UVRAG: variants seen among roughly 807,000 people sequenced by gnomAD.
The protein encoded by UVRAG is UV radiation resistance-associated gene protein.
A neutral mutation model predicts 78.0 loss-of-function variants in UVRAG; 19 were observed. That is an observed-to-expected ratio of 0.24 (90% CI 0.17 to 0.36). UVRAG has a LOEUF of 0.36. Among genes scored for constraint, UVRAG ranks in the 10% least tolerant of loss-of-function variants. The pLI is 1.00. For missense variants in UVRAG, 740 were observed against 853.8 expected, an observed-to-expected ratio of 0.87 and a Z score of 1.66; for synonymous variants, 323 against 324.6, an observed-to-expected ratio of 1.00 and a Z score of 0.05.
intron 1 of UVRAG, among the ~76,000 whole-genome samples, chr11:75,823,784 A>G (rs1945452838): frequency 1.3e-5 from 2 of 152,162 alleles, no homozygotes; most frequent in African/African-American, 2.4e-5. Context: ...TTTATTTCCT[A>G]CAGCACTTGT....
intron 9 of UVRAG, among the ~76,000 whole-genome samples, chr11:76,006,301 C>T (rs1192076856): frequency 1.3e-5 from 2 of 152,130 alleles, no homozygotes; most frequent in Non-Finnish European, 2.9e-5. Flanking sequence ...ATTCTTGACA[C>T]AGTTGATCAG....
At chr11:75,982,059 CATTTT>C (rs1396799288) in intron 7 of UVRAG, among the ~76,000 whole-genome samples, 3 of 151,570 alleles carry the variant, frequency 2.0e-5, no homozygotes, top group African/African-American at 7.3e-5. Flanking sequence ...TGTCCTTTTT[CATTTT>C]GTTTGGCATT....
rs961638649 is a variant in UVRAG, at chr11:76,141,296, G to A, written c.1983G>A (p.Val661=). ...ACTGCATCCCAGTGGACAGTGCTGT[G>A]GCAGTAGAGTGTGACGAACAAGTTC... ...AFNCIPVDSA[V]AVECDEQVLG... The change falls in exon 15 of 15, where the codon GTG becomes GTA. Residue 661 remains valine (V), a synonymous_variant. Transcript: ENST00000356136. 6.2e-7 allele frequency: 1 copy of A among 1,614,100 alleles called. No individual in the cohort carries two copies. The highest frequency in any genetic ancestry group is 1.7e-5 in the Admixed American group (1 of 60,008).
chr11:76,110,610 T>G (rs1360487845), intron 13 of UVRAG, among the ~76,000 whole-genome samples: 1 of 152,194 alleles, frequency 6.6e-6, no homozygotes, highest in Admixed American at 6.5e-5. Context: ...GGGAGGAGTT[T>G]AGGGTCAAGG....
At chr11:76,047,151 A>G (rs951424846) in intron 12 of UVRAG, among the ~76,000 whole-genome samples, 7 of 152,208 alleles carry the variant, frequency 4.6e-5, no homozygotes, top group African/African-American at 9.6e-5. Context: ...CTGCTCCCAA[A>G]TGATGAATAA....
chr11:76,000,575 A>G (rs771181832), intron 8 of UVRAG, among the ~76,000 whole-genome samples: 5 of 152,080 alleles, frequency 3.3e-5, no homozygotes, highest in African/African-American at 7.2e-5. Context: ...ACCATTGCAC[A>G]CTGCAGCATA....
chr11:75,993,914 G>A (rs889317855), intron 8 of UVRAG, among the ~76,000 whole-genome samples: 1 of 152,074 alleles, frequency 6.6e-6, no homozygotes, highest in African/African-American at 2.4e-5. Flanking sequence ...AGTGAGGGGG[G>A]TGGGGAGAAT....
At chr11:75,932,686 A>G (rs1369150317) in intron 6 of UVRAG, among the ~76,000 whole-genome samples, 1 of 152,242 alleles carries the variant, frequency 6.6e-6, no homozygotes, top group African/African-American at 2.4e-5. Flanking sequence ...CAAAATAAAC[A>G]TATACCAAAA....
At chr11:75,888,163 G>A (rs1226799987) in intron 4 of UVRAG, among the ~76,000 whole-genome samples, 1 of 151,806 alleles carries the variant, frequency 6.6e-6, no homozygotes, top group African/African-American at 2.4e-5. Context: ...AGACGAGGTT[G>A]TGCTCCCTCA....
chr11:75,967,322 C>T (rs929722333), intron 7 of UVRAG, among the ~76,000 whole-genome samples: 5 of 152,118 alleles, frequency 3.3e-5, no homozygotes, highest in Non-Finnish European at 4.4e-5. Context: ...GGTTCTAAGC[C>T]TGTTACTGCT....
chr11:76,104,778 G>A (rs775635726), intron 13 of UVRAG, among the ~76,000 whole-genome samples: 3 of 152,098 alleles, frequency 2.0e-5, no homozygotes, highest in African/African-American at 4.8e-5. Context: ...GTCACTATAC[G>A]TGGCTGGGGA....
At chr11:75,995,843 T>G (rs1949696476) in intron 8 of UVRAG, among the ~76,000 whole-genome samples, 1 of 152,106 alleles carries the variant, frequency 6.6e-6, no homozygotes, top group African/African-American at 2.4e-5. Flanking sequence ...GTGTTCTGAT[T>G]TTTTAAATAA....
chr11:75,920,852 T>C (rs767984051), intron 6 of UVRAG, among the ~76,000 whole-genome samples: 1 of 152,258 alleles, frequency 6.6e-6, no homozygotes, highest in Non-Finnish European at 1.5e-5. Flanking sequence ...CTTGGGTTTC[T>C]TGTTCAATAT....
intron 5 of UVRAG, among the ~76,000 whole-genome samples, chr11:75,908,695 A>G (rs1947670098): frequency 6.8e-6 from 1 of 147,504 alleles, no homozygotes; most frequent in South Asian, 2.1e-4. Context: ...TCACCAGTCA[A>G]ATAATCTGGT....
At chr11:76,131,813 G>T (rs1280263258) in intron 14 of UVRAG, among the ~76,000 whole-genome samples, 1 of 152,166 alleles carries the variant, frequency 6.6e-6, no homozygotes, top group Non-Finnish European at 1.5e-5. Flanking sequence ...TTAACCCCCA[G>T]CTACCTCCTG....
chr11:75,825,936 A>C (rs999048284), intron 1 of UVRAG, among the ~76,000 whole-genome samples: 2 of 151,888 alleles, frequency 1.3e-5, no homozygotes, highest in Admixed American at 6.6e-5. Context: ...TCCTGGGTTC[A>C]AGCGATTCTC....
intron 13 of UVRAG, among the ~76,000 whole-genome samples, chr11:76,105,231 CCT>C (rs758744595): frequency 1.8e-4 from 28 of 152,038 alleles, no homozygotes; most frequent in African/African-American, 2.7e-4. Context: ...TTGCCAAACC[CCT>C]GTTTCTACTA....
At chr11:76,140,059 CT>C in intron 14 of UVRAG, among the ~76,000 whole-genome samples, 1 of 22,366 alleles carries the variant, frequency 4.5e-5, no homozygotes. Context: ...CTCTCTCTCT[CT>C]CCCTCCCTCC....
In UVRAG at chr11:76,016,951, C is replaced by T. The variant is rs372666925; in HGVS notation, c.1197C>T (p.Ile399=). 3.1e-6 allele frequency: 5 copies of T among 1,604,242 alleles called. No homozygotes were observed. The African/African-American group carries it at 4.0e-5, about 13-fold the overall frequency. ...CTAGATCAACAATCAAAGACAATAT[C>T]AATGACAAACTGACGGAAAAGGAGA... The part of the protein sequence containing the change: ...KGSRSTIKDN[I]NDKLTEKERE... The change falls in exon 12 of 15, where the codon ATC becomes ATT. Residue 399 remains isoleucine (I), a synonymous_variant. Transcript: ENST00000356136.
Sources: allele counts gnomAD v4.1 joint callset (sites outside exome capture counted in the v4.1 genomes callset), GRCh38; gene constraint gnomAD v4.1.1; transcripts MANE v1.5; gene names NCBI Gene and HGNC (gene_info 2026-07-23, HGNC 2026-07-21).